Variants in DCHS1 observed in about 807,000 individuals in gnomAD.
DCHS1 encodes the protein protocadherin-16.
DCHS1 carries 78 observed loss-of-function variants against 213.9 expected under a neutral mutation model. That is an observed-to-expected ratio of 0.36 (90% CI 0.30 to 0.44). The LOEUF (loss-of-function observed/expected upper bound fraction) is 0.44. Ranked by LOEUF, DCHS1 falls within the 20% of genes least tolerant of loss-of-function variation. The pLI, the probability that DCHS1 is intolerant of heterozygous loss-of-function variation, is 1.00. For synonymous variants in DCHS1, 1,828 were observed against 1,873.7 expected (o/e 0.98, Z 0.63); for missense variants, 3,946 against 4,395.9 (o/e 0.90, Z 2.89).
chr11:6,633,719 G>T, intron 4 of DCHS1, 70 bp downstream of exon 4: 1 of 1,600,018 alleles, frequency 6.2e-7, no homozygotes, highest in Non-Finnish European at 8.5e-7. Flanking sequence ...GGAGGAGGTG[G>T]GTAGGACATC....
In DCHS1 at chr11:6,633,059, A is replaced by G. The variant is rs1855936833; in HGVS notation, c.2456-3T>C. ...AAGGGTCACAGGTGCCAAGCGACCT[A>G]GGGAGGATGAAAAAGGGATCAGGAA... On this transcript the variant is annotated splice_polypyrimidine_tract_variant and splice_region_variant and intron_variant, in intron 5 of 20. Coordinates refer to ENST00000299441, the MANE Select transcript of DCHS1 (RefSeq NM_003737.4). 6.3e-7 allele frequency: 1 copy of G among 1,590,766 alleles called. No individual in the cohort carries two copies. Among genetic ancestry groups the G allele is most frequent in the African/African-American group, 1.3e-5 (1 of 74,362 alleles).
In DCHS1 at chr11:6,630,109, G is replaced by A. The variant is rs114894677; in HGVS notation, c.4685C>T (p.Pro1562Leu). The change falls in exon 10 of 21, where the codon CCC (proline) becomes CTC (leucine). Residue 1562 changes from proline to leucine, a missense_variant. Physicochemically the swap from Pro to Leu is moderately conservative, Grantham distance 98. Around this residue, in one of 3 missense-constraint regions of DCHS1, gnomAD observed 3,384 missense variants for 3,780.1 expected, o/e 0.90. Coordinates refer to ENST00000299441, the MANE Select transcript of DCHS1 (RefSeq NM_003737.4). ...CCGGGCTACCACGTGCAGGGCCGCG[G>A]GCCCAGGCGGCTGGTCCTCTGGGAG... ...VRLPEDQPPG[P>L]AALHVVARDP... 8.2e-4 allele frequency: 1,317 copies of A among 1,603,826 alleles called. 13 individuals are homozygous for A. In the African/African-American group the frequency reaches 0.016, roughly 20 times the overall value.
Position 6,623,332 on chromosome 11 carries a change from G to A in DCHS1, c.8344C>T (p.Arg2782Trp), listed in dbSNP as rs750449956. 32 of 1,594,126 alleles carry A rather than the reference G, an allele frequency of 2.0e-5. No homozygotes were observed. The highest frequency in any genetic ancestry group is 1.7e-4 in the Middle Eastern group (1 of 6,060). The stretch of plus-strand genomic sequence containing the variant: ...GCATCAGCAGCACCCACCAGCAGCC[G>A]GAAGCTTTCTGTGTGCTCATAGTCA... ...PFDYEHTESF[R>W]LLVGAADAGN... The change falls in exon 21 of 21, where the codon CGG (arginine) becomes TGG (tryptophan). Residue 2782 changes from arginine to tryptophan, a missense_variant. Arg to Trp is a moderately radical substitution (Grantham distance 101). Coordinates refer to ENST00000299441, the MANE Select transcript of DCHS1 (RefSeq NM_003737.4).
Position 6,622,495 on chromosome 11 carries a change from C to T in DCHS1, c.9181G>A (p.Ala3061Thr), listed in dbSNP as rs749076208. The stretch of plus-strand genomic sequence containing the variant: ...ATGCCTGAGTCAGGGCCACGGGCAG[C>T]CAGAGAGGAGGCCACACTGGCCACA... ...PRVASVASSL[A>T]ARGPDSGIQQ... Residue 3061 changes from alanine to threonine, a missense_variant, in exon 21 of 21, where the codon GCT becomes ACT. Ala to Thr is a moderately conservative substitution (Grantham distance 58, BLOSUM62 0). Around this residue, in one of 3 missense-constraint regions of DCHS1, gnomAD observed 554 missense variants for 590.2 expected, o/e 0.94. Transcript: ENST00000299441. This position sits in a 1 kb window ranked among gnomAD's most constrained non-coding sequence, Gnocchi z 5.4. 40 of 1,574,284 alleles carry T rather than the reference C, an allele frequency of 2.5e-5. No individual in the cohort carries two copies. The Admixed American group carries it at 5.9e-4, about 23-fold the overall frequency.
chr11:6,624,685 C>T, intron 20 of DCHS1, 45 bp downstream of exon 20: 1 of 1,612,390 alleles, frequency 6.2e-7, no homozygotes. Context: ...CAGATTACAG[C>T]CCAACACAGT....
intron 2 of DCHS1, chr11:6,634,915 T>G (rs984608566): frequency 6.6e-6 from 1 of 152,204 alleles, no homozygotes; most frequent in Non-Finnish European, 1.5e-5. Flanking sequence ...ATTTTTCATC[T>G]CTCTGCCCAT....
In DCHS1 at chr11:6,631,775, C is replaced by A; in HGVS notation, c.3516G>T (p.Glu1172Asp). Residue 1172 changes from glutamate (E) to aspartate (D), a missense_variant, in exon 7 of 21, where the codon GAG becomes GAT. Glu to Asp is a conservative substitution (Grantham distance 45). Around this residue, in one of 3 missense-constraint regions of DCHS1, gnomAD observed 3,384 missense variants for 3,780.1 expected, o/e 0.90. Transcript: ENST00000299441. The part of the protein sequence containing the change: ...EVTTLQTLDR[E>D]QQSSYQLLVQ... The stretch of plus-strand genomic sequence containing the variant: ...CCAGGAGCTGATAGCTGCTCTGCTG[C>A]TCACGGTCCAGGGTTTGGAGTGTGG... The A allele has an allele frequency of 6.4e-7, 1 of 1,572,870 alleles. No individual in the cohort carries two copies. Among genetic ancestry groups the A allele is most frequent in the Non-Finnish European group, 8.6e-7 (1 of 1,160,534 alleles).
Position 6,623,077 on chromosome 11 carries a change from C to G in DCHS1, c.8599G>C (p.Ala2867Pro). 1 of 1,592,758 alleles carries G rather than the reference C, an allele frequency of 6.3e-7. No homozygotes were observed. Among genetic ancestry groups the G allele is most frequent in the African/African-American group, 1.3e-5 (1 of 74,552 alleles). ...CGACTGTCCACCCGCAGGTACAGGG[C>G]TCCTGTAGTCTGGTTAATACCAAAA... ...PYFGINQTTG[A>P]LYLRVDSRAP... The change falls in exon 21 of 21, where the codon GCC (alanine) becomes CCC (proline). Residue 2867 changes from alanine to proline, a missense_variant. By Grantham distance (27) the Ala-to-Pro change is conservative. Around this residue, in one of 3 missense-constraint regions of DCHS1, gnomAD observed 554 missense variants for 590.2 expected, o/e 0.94. Transcript: ENST00000299441.
Position 6,640,219 on chromosome 11 carries a change from G to T in DCHS1, c.1395C>A (p.Val465=). ...GGTCAAAGGCAGGTGCATTGTCGTT[G>T]ACATCAGTGACGTGCAGCACAAAGG... is the stretch of plus-strand genomic sequence containing the variant. ...EAAFVLHVTD[V]NDNAPAFDRQ... is the part of the protein sequence containing the mutation. The change falls in exon 2 of 21, where the codon GTC becomes GTA. Residue 465 remains valine, a synonymous_variant. Transcript: ENST00000299441. This position sits in a 1 kb window ranked among gnomAD's most constrained non-coding sequence, Gnocchi z 6.5. The T allele has an allele frequency of 6.2e-7, 1 of 1,613,010 alleles. No individual in the cohort carries two copies. The highest frequency in any genetic ancestry group is 2.2e-5 in the East Asian group (1 of 44,846).
At position 6,641,698 on chromosome 11, in the gene DCHS1, C is replaced by T. The variant is rs980473101; in HGVS notation, c.-85G>A. The T allele has an allele frequency of 1.0e-5, 15 of 1,453,090 alleles. No homozygotes were observed. Among genetic ancestry groups the T allele is most frequent in the Non-Finnish European group, 1.4e-5 (15 of 1,102,364 alleles). 90.0% of individuals were successfully genotyped at this position (1,453,090 alleles called of 1,614,324 possible). ...TTGACCTCAGACTTTGGGTCAGGTC[C>T]CACTGGGGCCCTGGCTCCAGCTCAG... is the stretch of plus-strand genomic sequence containing the variant. On this transcript the variant is annotated 5_prime_UTR_variant, in exon 2 of 21. Coordinates refer to ENST00000299441, the MANE Select transcript of DCHS1 (RefSeq NM_003737.4). The surrounding 1 kb of genome is among the most constrained non-coding windows in gnomAD (Gnocchi z 7.1).
At chr11:6,630,955 A>C (rs1458373921) in intron 9 of DCHS1, 92 bp from the exon 10 acceptor site, 1 of 1,515,934 alleles carries the variant, frequency 6.6e-7, no homozygotes, top group Non-Finnish European at 8.8e-7. Flanking sequence ...AAGTGGTCAG[A>C]GTAGCCTGAC....
chr11:6,627,084 T>G lies in DCHS1; in HGVS notation c.5955A>C (p.Thr1985=), dbSNP rs750987260. The G allele has an allele frequency of 3.1e-6, 5 of 1,613,342 alleles. No homozygotes were observed. The East Asian group carries it at 8.9e-5, about 29-fold the overall frequency. ...SFSTPTLALA[T]LRAEDRDAGA... is the part of the protein sequence containing the mutation. ...CAGCATCACGATCTTCAGCTCTCAG[T>G]GTGGCCAGAGCCAGGGTTGGGGTAC... Residue 1985 remains threonine, a synonymous_variant, in exon 14 of 21, where the codon ACA becomes ACC. Coordinates refer to ENST00000299441, the MANE Select transcript of DCHS1 (RefSeq NM_003737.4). The surrounding 1 kb of genome is among the most constrained non-coding windows in gnomAD (Gnocchi z 5.4).
rs143172918 is a variant in DCHS1, at chr11:6,640,579, C to G, written c.1035G>C (p.Ser345=). Residue 345 remains serine (S), a synonymous_variant, in exon 2 of 21, where the codon TCG becomes TCC. Coordinates refer to ENST00000299441, the MANE Select transcript of DCHS1 (RefSeq NM_003737.4). The surrounding 1 kb of genome is among the most constrained non-coding windows in gnomAD (Gnocchi z 6.5). ...CTCGCACATGCACAGTCACAAAGGC[C>G]GAGCCCAGCTCAGGGTGAGCCCCAC... ...RDGGAHPELG[S]AFVTVHVRDA... is the part of the protein sequence containing the mutation. 2.1e-4 allele frequency: 345 copies of G among 1,608,602 alleles called. 1 individual carries two copies. The East Asian group carries it at 6.5e-3, about 30-fold the overall frequency.
chr11:6,622,257 T>A lies in DCHS1; in HGVS notation c.9419A>T (p.Lys3140Met). The A allele has an allele frequency of 6.2e-7, 1 of 1,604,042 alleles. No homozygotes were observed. Among genetic ancestry groups the A allele is most frequent in the South Asian group, 1.1e-5 (1 of 89,850 alleles). Residue 3140 changes from lysine to methionine, a missense_variant, in exon 21 of 21, where the codon AAG (lysine) becomes ATG (methionine). Physicochemically the swap from Lys to Met is moderately conservative, Grantham distance 95. Transcript: ENST00000299441. The surrounding 1 kb of genome is among the most constrained non-coding windows in gnomAD (Gnocchi z 5.4). ...TGTCAGCGCACCTGCCACACATGGC[T>A]TGCCATCTGCTGGGAAGCCATAGTC... ...TGDYGFPADGKPCVAGALTAI... is the reference protein window; with the variant it reads ...TGDYGFPADGMPCVAGALTAI...
Position 6,641,811 on chromosome 11 carries a change from A to G in DCHS1, c.-120-78T>C. 1.6e-6 allele frequency: 2 copies of G among 1,227,014 alleles called. No individual in the cohort carries two copies. Among genetic ancestry groups the G allele is most frequent in the South Asian group, 3.3e-5 (2 of 60,922 alleles). The allele number at this position is 1,227,014 out of a possible 1,614,324, so 76.0% of individuals were successfully genotyped here. ...AGATAACCTGGACGAGGCCACATCA[A>G]CATTCAGATATGCTCAGCCCCCAGC... On this transcript the variant is annotated intron_variant, in intron 1 of 20. Transcript: ENST00000299441. The surrounding 1 kb of genome is among the most constrained non-coding windows in gnomAD (Gnocchi z 7.1).
At chr11:6,649,894 A>T (rs1441854348) in intron 1 of DCHS1, among the ~76,000 whole-genome samples, 1 of 152,234 alleles carries the variant, frequency 6.6e-6, no homozygotes, top group Admixed American at 6.5e-5. Context: ...AGCTGAGGGT[A>T]GGACAGCATA....
chr11:6,651,268 G>A (rs1037157621), intron 1 of DCHS1, among the ~76,000 whole-genome samples: 1 of 152,192 alleles, frequency 6.6e-6, no homozygotes, highest in African/African-American at 2.4e-5. Flanking sequence ...AAGCCAGGAG[G>A]GAAGGGAGTG....
At position 6,640,020 on chromosome 11, in the gene DCHS1, T is replaced by C; in HGVS notation, c.1594A>G (p.Thr532Ala). The stretch of plus-strand genomic sequence containing the variant: ...AACTCATAGTCCAGTGAGGCAGCCG[T>C]AGTGATAATGCCTGAGGTGGGGTCA... Reference protein sequence around the residue: ...SIDPTSGIITTAASLDYELEP... With the variant: ...SIDPTSGIITAAASLDYELEP... Residue 532 changes from threonine (T) to alanine (A), a missense_variant, in exon 2 of 21, where the codon ACG (threonine) becomes GCG (alanine). Transcript: ENST00000299441. The surrounding 1 kb of genome is among the most constrained non-coding windows in gnomAD (Gnocchi z 6.5). The C allele has an allele frequency of 6.2e-7, 1 of 1,613,808 alleles. No individual in the cohort carries two copies.
chr11:6,624,177 G>A lies in DCHS1; in HGVS notation c.7499C>T (p.Thr2500Ile), dbSNP rs374127779. Residue 2500 changes from threonine (T) to isoleucine (I), a missense_variant, in exon 21 of 21, where the codon ACT (threonine) becomes ATT (isoleucine). By Grantham distance (89) the Thr-to-Ile change is moderately conservative. This residue lies in a region of DCHS1 where 3,384 missense variants were observed against 3,780.1 expected (regional missense o/e 0.90). Transcript: ENST00000299441. ...ATCTGTAGCCTCCAGGGTGAGCAGA[G>A]TGGAGCCAGGGGGCAGGTCTTCAGT... ...AVTEDLPPGS[T>I]LLTLEATDAD... 1 of 1,613,224 alleles carries A rather than the reference G, an allele frequency of 6.2e-7. No homozygotes were observed. Among genetic ancestry groups the A allele is most frequent in the Middle Eastern group, 1.7e-4 (1 of 6,060 alleles).
Sources: allele counts gnomAD v4.1 joint callset (sites outside exome capture counted in the v4.1 genomes callset), GRCh38; gene constraint gnomAD v4.1.1; regional missense constraint gnomAD v4.1.1; non-coding constraint Gnocchi (gnomAD v3.1); transcripts MANE v1.5; gene names NCBI Gene and HGNC (gene_info 2026-07-23, HGNC 2026-07-21).